ANKIB1: variants seen among roughly 807,000 people sequenced by gnomAD.
The protein encoded by ANKIB1 is ankyrin repeat and IBR domain containing 1, also known as ankyrin repeat and IBR domain-containing protein 1.
In ANKIB1, 43 loss-of-function variants were observed where a neutral mutation model predicts 122.1. The ratio of observed to expected loss-of-function variants is 0.35; its 90% CI spans 0.28 to 0.45. The LOEUF is 0.45. Among genes scored for constraint, ANKIB1 ranks in the 20% least tolerant of loss-of-function variants. The probability of loss-of-function intolerance (pLI) is 1.00; values close to 1 mark genes in which losing one functional copy is unlikely to be tolerated. For missense variants in ANKIB1, 992 were observed against 1,329.5 expected, an observed-to-expected ratio of 0.75 and a Z score of 3.95; for synonymous variants, 390 against 442.0, an observed-to-expected ratio of 0.88 and a Z score of 1.48.
rs751779800 is a variant in ANKIB1 at position 92,362,248 on chromosome 7, A to C, written c.1461A>C (p.Lys487Asn). 1.9e-6 allele frequency: 3 copies of C among 1,594,658 alleles called. No homozygotes were observed. Among genetic ancestry groups the C allele is most frequent in the Non-Finnish European group, 2.6e-6 (3 of 1,170,136 alleles). Residue 487 changes from lysine (K) to asparagine (N), a missense_variant, in exon 10 of 20, where the codon AAA (lysine) becomes AAC (asparagine). Coordinates refer to ENST00000265742, the MANE Select transcript of ANKIB1 (RefSeq NM_019004.2). ...AAACATGGAAGAATTGGCTGCAAAAAATAACCGAAATGAAACCAGAAGAAC... is the reference window on the plus strand; with the variant it reads ...AAACATGGAAGAATTGGCTGCAAAACATAACCGAAATGAAACCAGAAGAAC... ...DCQTWKNWLQKITEMKPEELV... is the reference protein window; with the variant it reads ...DCQTWKNWLQNITEMKPEELV...
At chr7:92,392,020 C>T (rs544218825) in intron 16 of ANKIB1, among the ~76,000 whole-genome samples, 1 of 152,124 alleles carries the variant, frequency 6.6e-6, no homozygotes, top group African/African-American at 2.4e-5. Context: ...TTTGTTATAA[C>T]ATGGTAATTT....
chr7:92,393,197 A>G (rs530660224), intron 17 of ANKIB1, among the ~76,000 whole-genome samples: 2 of 152,052 alleles, frequency 1.3e-5, no homozygotes, highest in African/African-American at 2.4e-5. Context: ...TTTAAATCAG[A>G]TACTTTCTCT....
At chr7:92,312,868 T>C (rs747867906) in intron 3 of ANKIB1, among the ~76,000 whole-genome samples, 1 of 152,150 alleles carries the variant, frequency 6.6e-6, no homozygotes, top group Non-Finnish European at 1.5e-5. Context: ...AATAATATAC[T>C]GTTCTTAGTT....
intron 11 of ANKIB1, among the ~76,000 whole-genome samples, chr7:92,379,698 G>A (rs1256269224): frequency 2.0e-5 from 3 of 152,162 alleles, no homozygotes; most frequent in Admixed American, 6.5e-5. Context: ...AATTCATACT[G>A]TATCCTATAT....
chr7:92,265,006 T>C (rs1396796600), intron 1 of ANKIB1, among the ~76,000 whole-genome samples: 1 of 152,212 alleles, frequency 6.6e-6, no homozygotes, highest in Non-Finnish European at 1.5e-5. Context: ...GTGACAGTCT[T>C]GTTCTGCTGC....
chr7:92,350,494 G>A (rs1051418570), intron 7 of ANKIB1, among the ~76,000 whole-genome samples: 4 of 152,092 alleles, frequency 2.6e-5, no homozygotes, highest in African/African-American at 9.7e-5. Flanking sequence ...AACAGATAAT[G>A]TGCATTACAA....
intron 4 of ANKIB1, among the ~76,000 whole-genome samples, chr7:92,327,366 C>T (rs191447896): frequency 2.0e-3 from 304 of 152,278 alleles, no homozygotes; most frequent in African/African-American, 6.9e-3. Flanking sequence ...TAATCATGTA[C>T]AGTCATCCCT....
At chr7:92,347,274 A>AG (rs1287154501) in intron 7 of ANKIB1, among the ~76,000 whole-genome samples, 4 of 146,802 alleles carry the variant, frequency 2.7e-5, no homozygotes, top group African/African-American at 1.0e-4. Context: ...GAACATTATG[A>AG]GTTTTTTTTT....
rs886062498 is a variant in ANKIB1, at chr7:92,246,090, TGAGCCG to T, written c.-504_-499del. The T allele has an allele frequency of 5.3e-5, 15 of 282,158 alleles. No homozygotes were observed. Among genetic ancestry groups the T allele is most frequent in the South Asian group, 1.9e-4 (7 of 36,224 alleles). The allele number at this position is 282,158 out of a possible 1,614,324, so 17.5% of individuals were successfully genotyped here. On this transcript the variant is annotated 5_prime_UTR_variant, in exon 1 of 20. Transcript: ENST00000265742. ...TGGTGGCGGTGGGGGTGCCAGCGGC[TGAGCCG>T]GAGCCGGAGCCGGAGGCGGGGGAGG... is the stretch of plus-strand genomic sequence containing the variant.
chr7:92,350,099 T>A (rs915535436), intron 7 of ANKIB1, among the ~76,000 whole-genome samples: 9 of 151,956 alleles, frequency 5.9e-5, no homozygotes, highest in African/African-American at 1.2e-4. Flanking sequence ...TTACAGGGCA[T>A]TTTTTCCTCA....
chr7:92,273,762 A>G (rs532535846), intron 1 of ANKIB1, among the ~76,000 whole-genome samples: 2 of 151,608 alleles, frequency 1.3e-5, no homozygotes, highest in East Asian at 2.0e-4. Flanking sequence ...AATGTTTCAG[A>G]CAGCTATTTT....
intron 10 of ANKIB1, 30 bp from the exon 11 acceptor site, chr7:92,371,447 A>G: frequency 1.3e-6 from 2 of 1,582,378 alleles, no homozygotes. Flanking sequence ...TAAATCATTT[A>G]TTTTTGTGAT....
intron 10 of ANKIB1, among the ~76,000 whole-genome samples, chr7:92,363,346 GATTGC>G (rs1803995884): frequency 6.6e-6 from 1 of 152,134 alleles, no homozygotes; most frequent in Non-Finnish European, 1.5e-5. Flanking sequence ...AGGAGGTGGA[GATTGC>G]AGTGAGGCAA....
chr7:92,384,490 A>G (rs1276016093), intron 11 of ANKIB1, among the ~76,000 whole-genome samples: 1 of 152,248 alleles, frequency 6.6e-6, no homozygotes, highest in Admixed American at 6.5e-5. Flanking sequence ...AAACTATAGT[A>G]CAAGGCTACA....
intron 5 of ANKIB1, among the ~76,000 whole-genome samples, chr7:92,336,790 T>C (rs1585113621): frequency 6.6e-6 from 1 of 152,144 alleles, no homozygotes; most frequent in East Asian, 1.9e-4. Context: ...CAAACAGTGC[T>C]TTTTCATTTT....
At position 92,387,801 on chromosome 7, in the gene ANKIB1, G is replaced by T; in HGVS notation, c.1756G>T (p.Glu586Ter). The T allele has an allele frequency of 6.2e-7, 1 of 1,607,458 alleles. No individual in the cohort carries two copies. The highest frequency in any genetic ancestry group is 1.1e-5 in the South Asian group (1 of 89,032). The change falls in exon 13 of 20, where the codon GAG becomes TAG. Residue 586 changes from glutamate (E) to a stop codon, truncating the protein, a stop_gained. Coordinates refer to ENST00000265742, the MANE Select transcript of ANKIB1 (RefSeq NM_019004.2). LOFTEE classifies it high-confidence loss of function. ...EQSKEMTVEA[E>*]KKHKRFQELD... ...TTTGTGGACTTTTGTTTTCTAGGCT[G>T]AGAAAAAACACAAACGATTTCAGGA...
At chr7:92,272,955 A>G (rs1310516318) in intron 1 of ANKIB1, among the ~76,000 whole-genome samples, 2 of 152,216 alleles carry the variant, frequency 1.3e-5, no homozygotes, top group African/African-American at 4.8e-5. Flanking sequence ...CCAAATGGTA[A>G]GTATTTGTAT....
At chr7:92,270,042 G>A (rs1165789494) in intron 1 of ANKIB1, among the ~76,000 whole-genome samples, 1 of 150,252 alleles carries the variant, frequency 6.7e-6, no homozygotes, top group African/African-American at 2.5e-5. Flanking sequence ...ACCTATGAGT[G>A]AGAACAGTTT....
Position 92,307,436 on chromosome 7 carries a change from G to A in ANKIB1, c.266G>A (p.Gly89Glu). The change falls in exon 3 of 20, where the codon GGA becomes GAA. Residue 89 changes from glycine to glutamate, a missense_variant. Around this residue, in one of 4 missense-constraint regions of ANKIB1, gnomAD observed 54 missense variants for 112.3 expected, o/e 0.48. Coordinates refer to ENST00000265742, the MANE Select transcript of ANKIB1 (RefSeq NM_019004.2). Reference sequence around the variant, plus strand: ...ACATCTATGCATTTGTTGTGTATGGGACCTCAAATTATGATATCTGAAGGA... The same window carrying A: ...ACATCTATGCATTTGTTGTGTATGGAACCTCAAATTATGATATCTGAAGGA... ...NETSMHLLCM[G>E]PQIMISEGAL... The A allele has an allele frequency of 6.2e-7, 1 of 1,613,922 alleles. No homozygotes were observed. The highest frequency in any genetic ancestry group is 8.5e-7 in the Non-Finnish European group (1 of 1,179,866).
Sources: gnomAD v4.1 joint callset for allele counts (sites outside exome capture counted in the v4.1 genomes callset) on GRCh38, gnomAD v4.1.1 for gene constraint, gnomAD v4.1.1 regional missense constraint, MANE v1.5 for transcripts, NCBI Gene and HGNC (gene_info 2026-07-23, HGNC 2026-07-21) for gene names.